The following CNTNAP2 variants were observed in gnomAD, a reference collection of about 807,000 sequenced individuals.
The protein encoded by CNTNAP2 is contactin associated protein 2.
Under a neutral mutation model 155.2 loss-of-function variants are expected in CNTNAP2, and 98 were observed. The ratio of observed to expected loss-of-function variants is 0.63; its 90% CI spans 0.54 to 0.75. The LOEUF (loss-of-function observed/expected upper bound fraction) is 0.75. Among genes scored for constraint, CNTNAP2 ranks in the 30% least tolerant of loss-of-function variants. CNTNAP2 has a pLI of 0.00. For synonymous variants in CNTNAP2, 651 were observed against 631.2 expected (o/e 1.03, Z -0.47); for missense variants, 1,727 against 1,688.1 (o/e 1.02, Z -0.40).
At position 146,657,936 on chromosome 7, in the gene CNTNAP2, G is replaced by T. The variant is rs1329267003; in HGVS notation, c.98-116335G>T. Reference sequence around the variant, plus strand: ...GTTCATCATTAAAAAAACCAATAATGCCAAATCCTAAAAATAAATTTCAGC... The same window carrying T: ...GTTCATCATTAAAAAAACCAATAATTCCAAATCCTAAAAATAAATTTCAGC... On this transcript the variant is annotated intron_variant, in intron 1 of 23. Coordinates refer to ENST00000361727, the MANE Select transcript of CNTNAP2 (RefSeq NM_014141.6). Among the ~76,000 whole-genome samples the T allele has an allele frequency of 3.3e-5, 5 of 151,052 alleles. No homozygotes were observed. In the East Asian group the frequency reaches 7.8e-4, roughly 24 times the overall value.
At chr7:146,245,037 A>G (rs1563005258) in intron 1 of CNTNAP2, among the ~76,000 whole-genome samples, 1 of 152,200 alleles carries the variant, frequency 6.6e-6, no homozygotes, top group East Asian at 1.9e-4. Context: ...CATGATGGAA[A>G]GGAAATGAGA....
At chr7:148,372,504 T>G (rs923140174) in intron 21 of CNTNAP2, among the ~76,000 whole-genome samples, 38 of 152,200 alleles carry the variant, frequency 2.5e-4, no homozygotes, top group African/African-American at 9.1e-4. Flanking sequence ...GGTCAGGAGT[T>G]AAAAACCAGC....
intron 21 of CNTNAP2, among the ~76,000 whole-genome samples, chr7:148,299,634 T>C (rs1385611637): frequency 6.6e-6 from 1 of 152,238 alleles, no homozygotes; most frequent in Non-Finnish European, 1.5e-5. Context: ...CAGCTCCGCC[T>C]CATTCCACTG....
intron 15 of CNTNAP2, among the ~76,000 whole-genome samples, chr7:148,105,862 C>T (rs1804203413): frequency 6.6e-6 from 1 of 152,200 alleles, no homozygotes; most frequent in South Asian, 2.1e-4. Flanking sequence ...GCTGGGATTA[C>T]AGGCATGTGC....
chr7:147,505,958 G>T (rs895066414), intron 11 of CNTNAP2, among the ~76,000 whole-genome samples: 2 of 152,172 alleles, frequency 1.3e-5, no homozygotes, highest in East Asian at 3.9e-4. Context: ...TGTCAAGAAG[G>T]AGTCTCTTAA....
chr7:148,306,591 T>C (rs1407787377), intron 21 of CNTNAP2, among the ~76,000 whole-genome samples: 1 of 152,216 alleles, frequency 6.6e-6, no homozygotes, highest in African/African-American at 2.4e-5. Context: ...TGTTCTGAAT[T>C]TCCAAGAGCT....
intron 12 of CNTNAP2, among the ~76,000 whole-genome samples, chr7:147,591,468 G>A (rs575209040): frequency 1.2e-3 from 178 of 152,144 alleles, no homozygotes; most frequent in Non-Finnish European, 1.7e-3. Context: ...TCCAAATATC[G>A]TCAAATTCTA....
At chr7:147,222,731 T>G (rs1230925191) in intron 8 of CNTNAP2, among the ~76,000 whole-genome samples, 1 of 152,060 alleles carries the variant, frequency 6.6e-6, no homozygotes, top group African/African-American at 2.4e-5. Context: ...AGGGAATATG[T>G]TCTACAGTAC....
chr7:147,888,846 A>G (rs1034577858), intron 13 of CNTNAP2, among the ~76,000 whole-genome samples: 12 of 151,978 alleles, frequency 7.9e-5, no homozygotes, highest in African/African-American at 2.7e-4. Context: ...GACCCTAGAG[A>G]AAAAAAGATC....
At chr7:148,177,058 T>C (rs1794949714) in intron 18 of CNTNAP2, among the ~76,000 whole-genome samples, 1 of 152,214 alleles carries the variant, frequency 6.6e-6, no homozygotes, top group Admixed American at 6.5e-5. Flanking sequence ...CTGTGTGTCT[T>C]CTCTGTGTGT....
At position 148,107,075 on chromosome 7, in the gene CNTNAP2, C is replaced by T. The variant is rs546866891; in HGVS notation, c.2384-11043C>T. ...AAGAGCTTCATAAAAAAATCTTAGA[C>T]TTGTTCCCACCCTCCAAACATGTGA... On this transcript the variant is annotated intron_variant, in intron 15 of 23. Transcript: ENST00000361727. Among the ~76,000 whole-genome samples the T allele has an allele frequency of 5.1e-4, 78 of 152,340 alleles. 1 individual carries two copies. Among genetic ancestry groups the T allele is most frequent in the Middle Eastern group, 3.4e-3 (1 of 294 alleles).
intron 8 of CNTNAP2, among the ~76,000 whole-genome samples, chr7:147,160,903 T>A (rs761994609): frequency 7.9e-5 from 12 of 152,140 alleles, no homozygotes; most frequent in Admixed American, 6.5e-5. Flanking sequence ...AGGCTGATCC[T>A]AAAGACTTTT....
chr7:146,845,301 A>G (rs1313713702), intron 3 of CNTNAP2, among the ~76,000 whole-genome samples: 1 of 152,208 alleles, frequency 6.6e-6, no homozygotes, highest in Non-Finnish European at 1.5e-5. Context: ...GTAATTAGCC[A>G]TCAGGCAAGT....
intron 15 of CNTNAP2, among the ~76,000 whole-genome samples, chr7:148,063,377 G>T (rs1349401217): frequency 6.6e-6 from 1 of 151,874 alleles, no homozygotes; most frequent in African/African-American, 2.4e-5. Flanking sequence ...CCCACTTTTG[G>T]AAATTCCCAT....
At chr7:147,243,913 G>A (rs1412056741) in intron 8 of CNTNAP2, among the ~76,000 whole-genome samples, 1 of 151,838 alleles carries the variant, frequency 6.6e-6, no homozygotes, top group Non-Finnish European at 1.5e-5. Context: ...ATAATTATGG[G>A]GTTTTTCCTC....
intron 12 of CNTNAP2, among the ~76,000 whole-genome samples, chr7:147,580,141 C>T (rs1254257061): frequency 6.6e-6 from 1 of 152,052 alleles, no homozygotes; most frequent in Non-Finnish European, 1.5e-5. Flanking sequence ...GTCCTTTAGA[C>T]AGTCTCCTTT....
At chr7:147,181,094 T>C (rs1256529036) in intron 8 of CNTNAP2, among the ~76,000 whole-genome samples, 1 of 152,220 alleles carries the variant, frequency 6.6e-6, no homozygotes, top group African/African-American at 2.4e-5. Flanking sequence ...CATGGGACAA[T>C]GAGGGCACAA....
At chr7:147,731,843 T>C (rs1796744884) in intron 13 of CNTNAP2, among the ~76,000 whole-genome samples, 1 of 152,100 alleles carries the variant, frequency 6.6e-6, no homozygotes, top group African/African-American at 2.4e-5. Context: ...TTAGAAGAAG[T>C]TGATTCCAAC....
At chr7:148,317,811 C>G (rs1423162127) in intron 21 of CNTNAP2, among the ~76,000 whole-genome samples, 1 of 152,060 alleles carries the variant, frequency 6.6e-6, no homozygotes, top group Non-Finnish European at 1.5e-5. Flanking sequence ...TGCCATTGTC[C>G]TGCCTCAGCC....
Sources: gnomAD v4.1 joint callset for allele counts (sites outside exome capture counted in the v4.1 genomes callset) on GRCh38, gnomAD v4.1.1 for gene constraint, MANE v1.5 for transcripts, NCBI Gene and HGNC (gene_info 2026-07-23, HGNC 2026-07-21) for gene names.